Variants in TBL1XR1 observed in about 807,000 individuals in gnomAD.
TBL1XR1 encodes F-box-like/WD repeat-containing protein TBL1XR1.
Under a neutral mutation model 66.9 loss-of-function variants are expected in TBL1XR1, and 5 were observed. That is an observed-to-expected ratio of 0.07 (90% CI 0.04 to 0.16). The LOEUF is 0.16. Ranked by LOEUF, TBL1XR1 falls within the 10% of genes least tolerant of loss-of-function variation. The probability of loss-of-function intolerance (pLI) is 1.00; values close to 1 mark genes in which losing one functional copy is unlikely to be tolerated. For synonymous variants in TBL1XR1, 210 were observed against 206.0 expected (o/e 1.02, Z -0.17); for missense variants, 238 against 623.2 (o/e 0.38, Z 6.58).
At chr3:177,193,452 A>AG (rs904109059) in intron 1 of TBL1XR1, among the ~76,000 whole-genome samples, 3 of 152,058 alleles carry the variant, frequency 2.0e-5, no homozygotes, top group African/African-American at 7.2e-5. Context: ...CTGGGACTAC[A>AG]GGTACCCGCC....
intron 1 of TBL1XR1, among the ~76,000 whole-genome samples, chr3:177,184,118 A>G (rs79137178): frequency 1.3e-5 from 2 of 152,290 alleles, no homozygotes; most frequent in African/African-American, 4.8e-5. Flanking sequence ...AAATGAGCAC[A>G]ACTAGAAGGC....
At chr3:177,040,110 G>A (rs77447910) in intron 10 of TBL1XR1, among the ~76,000 whole-genome samples, 388 of 152,314 alleles carry the variant, frequency 2.5e-3, no homozygotes, top group African/African-American at 8.9e-3. Context: ...TTGAGCCCAG[G>A]TGTTTGAGAC....
intron 1 of TBL1XR1, among the ~76,000 whole-genome samples, chr3:177,155,512 A>G (rs1320632498): frequency 6.6e-6 from 1 of 152,226 alleles, no homozygotes; most frequent in Non-Finnish European, 1.5e-5. Flanking sequence ...GGGAAACAAA[A>G]GGTGTATGAA....
chr3:177,082,819 CA>C (rs2108611769), intron 2 of TBL1XR1, among the ~76,000 whole-genome samples: 1 of 137,030 alleles, frequency 7.3e-6, no homozygotes, highest in East Asian at 2.2e-4. Flanking sequence ...GCAGTGGCAC[CA>C]TCTGGGCTCA....
intron 9 of TBL1XR1, 86 bp from the exon 10 acceptor site, chr3:177,046,275 A>T: frequency 1.1e-6 from 1 of 930,734 alleles, no homozygotes; most frequent in Non-Finnish European, 1.6e-6. Context: ...GTATTACAGC[A>T]ATATGAAATG....
At chr3:177,028,928 A>G (rs1327902507) in intron 14 of TBL1XR1, among the ~76,000 whole-genome samples, 1 of 152,174 alleles carries the variant, frequency 6.6e-6, no homozygotes, top group Non-Finnish European at 1.5e-5. Flanking sequence ...GGCATTATGA[A>G]AACAGAAAGG....
intron 1 of TBL1XR1, among the ~76,000 whole-genome samples, chr3:177,187,684 A>C (rs922394618): frequency 5.3e-5 from 8 of 152,142 alleles, no homozygotes; most frequent in Non-Finnish European, 1.2e-4. Flanking sequence ...TGAGTCACTG[A>C]ATGTCTCTTT....
In TBL1XR1 at chr3:177,032,758, CAATAATA is replaced by C. The variant is rs143731894; in HGVS notation, c.1416+206_1416+212del. On this transcript the variant is annotated intron_variant, in intron 14 of 15. Transcript: ENST00000457928. ...ACCGTTGGAAAAAAACAAAAGAATACAATAATAAATAATAAAACAAATGATCAAAATC... is the reference window on the plus strand; with the variant it reads ...ACCGTTGGAAAAAAACAAAAGAATACAATAATAAAACAAATGATCAAAATC... The C allele has an allele frequency of 0.08, 30,946 of 387,762 alleles. 1,421 individuals are homozygous for C. The highest frequency in any genetic ancestry group is 0.16 in the Admixed American group (3,631 of 23,234). 24.0% of individuals were successfully genotyped at this position (387,762 alleles called of 1,614,324 possible).
chr3:177,168,470 C>T (rs1232703929), intron 1 of TBL1XR1, among the ~76,000 whole-genome samples: 4 of 151,964 alleles, frequency 2.6e-5, no homozygotes, highest in Non-Finnish European at 5.9e-5. Context: ...TTAGTAGAGG[C>T]GGGGTTTCAC....
chr3:177,086,388 T>C (rs759759007), intron 2 of TBL1XR1, among the ~76,000 whole-genome samples: 1 of 151,878 alleles, frequency 6.6e-6, no homozygotes, highest in Non-Finnish European at 1.5e-5. Context: ...GTTACCATAC[T>C]GGGTAAGTCT....
chr3:177,035,226 C>T (rs1185897884), intron 12 of TBL1XR1, among the ~76,000 whole-genome samples: 1 of 152,170 alleles, frequency 6.6e-6, no homozygotes, highest in Non-Finnish European at 1.5e-5. Flanking sequence ...CCACTCTCAA[C>T]TCTTACCTCC....
intron 1 of TBL1XR1, chr3:177,111,020 T>TA (rs966296501): frequency 2.6e-5 from 4 of 152,228 alleles, no homozygotes; most frequent in Non-Finnish European, 4.4e-5. Flanking sequence ...AAAACCTAAG[T>TA]AGGCCACACC....
At chr3:177,174,232 C>T (rs1733895062) in intron 1 of TBL1XR1, among the ~76,000 whole-genome samples, 1 of 151,834 alleles carries the variant, frequency 6.6e-6, no homozygotes, top group Admixed American at 6.6e-5. Context: ...ACCAGTGAAA[C>T]CCCGTCTGTA....
chr3:177,184,084 T>C (rs1034550410), intron 1 of TBL1XR1, among the ~76,000 whole-genome samples: 2 of 152,170 alleles, frequency 1.3e-5, no homozygotes, highest in African/African-American at 4.8e-5. Flanking sequence ...TCCCTTTCTC[T>C]GAGGTTGCTC....
At chr3:177,148,126 T>C (rs572219945) in intron 1 of TBL1XR1, among the ~76,000 whole-genome samples, 1 of 152,372 alleles carries the variant, frequency 6.6e-6, no homozygotes, top group South Asian at 2.1e-4. Context: ...GAATCAATTT[T>C]AGGATCTAAA....
chr3:177,137,465 T>C (rs1355636289), intron 1 of TBL1XR1, among the ~76,000 whole-genome samples: 1 of 152,090 alleles, frequency 6.6e-6, no homozygotes, highest in Non-Finnish European at 1.5e-5. Flanking sequence ...CACACTCCAC[T>C]GGGTAACAGA....
In TBL1XR1 at chr3:177,034,802, GA is replaced by G. The variant is rs889805660; in HGVS notation, c.1123-478del. Among the ~76,000 whole-genome samples the G allele has an allele frequency of 7.6e-3, 1,095 of 144,592 alleles. 16 individuals carry two copies. Among genetic ancestry groups the G allele is most frequent in the African/African-American group, 0.025 (997 of 39,712 alleles). The allele number at this position is 144,592 out of a possible 152,430, so 94.9% of individuals were successfully genotyped here. ...GAAATAAAGCTCAAATGAAAAGTAGGAAAAAAAAAAAGTAGAAAAAAGTAGT... is the reference window on the plus strand; with the variant it reads ...GAAATAAAGCTCAAATGAAAAGTAGGAAAAAAAAAAGTAGAAAAAAGTAGT... On this transcript the variant is annotated intron_variant, in intron 12 of 15. Coordinates refer to ENST00000457928, the MANE Select transcript of TBL1XR1 (RefSeq NM_024665.7).
intron 1 of TBL1XR1, among the ~76,000 whole-genome samples, chr3:177,189,387 C>T (rs890455320): frequency 1.3e-5 from 2 of 151,874 alleles, no homozygotes; most frequent in Non-Finnish European, 2.9e-5. Context: ...CGTGGTGGTA[C>T]ACGCCTGTTA....
Position 177,154,288 on chromosome 3 carries a change from AAG to A in TBL1XR1, c.-122+42831_-122+42832del, listed in dbSNP as rs1731238833. ...AACAAGGTACTCTAGAGCAAGGACT[AAG>A]AGGAACATTTCTTAATGATAAAGTG... On this transcript the variant is annotated intron_variant, in intron 1 of 15. Transcript: ENST00000457928. 1.3e-5 allele frequency among the ~76,000 whole-genome samples: 2 copies of A among 152,224 alleles called. 1 individual carries two copies. The highest frequency in any genetic ancestry group is 4.1e-4 in the South Asian group (2 of 4,824).
Sources: gnomAD v4.1 joint callset for allele counts (sites outside exome capture counted in the v4.1 genomes callset) on GRCh38, gnomAD v4.1.1 for gene constraint, MANE v1.5 for transcripts, NCBI Gene and HGNC (gene_info 2026-07-23, HGNC 2026-07-21) for gene names.